Variants in NR5A2 observed in about 807,000 individuals in gnomAD.
NR5A2 encodes nuclear receptor subfamily 5 group A member 2.
In NR5A2, 26 loss-of-function variants were observed where a neutral mutation model predicts 62.7. The ratio of observed to expected loss-of-function variants is 0.41; its 90% CI spans 0.30 to 0.58. The LOEUF (loss-of-function observed/expected upper bound fraction) is 0.58. Among genes scored for constraint, NR5A2 ranks in the 20% least tolerant of loss-of-function variants. The pLI is 0.22. For missense variants in NR5A2, 541 were observed against 669.1 expected, an observed-to-expected ratio of 0.81 and a Z score of 2.11; for synonymous variants, 246 against 241.7, an observed-to-expected ratio of 1.02 and a Z score of -0.16.
Position 200,039,568 on chromosome 1 carries a change from T to A in NR5A2, c.65-90T>A, listed in dbSNP as rs1299531792. ...CAGCCCCGAGGAGGCGGAGGCACGC[T>A]CCGGCGAGGCGAGAGGGTTGGGTTA... On this transcript the variant is annotated intron_variant, in intron 1 of 7. Coordinates refer to ENST00000367362, the MANE Select transcript of NR5A2 (RefSeq NM_205860.3). This position sits in a 1 kb window ranked among gnomAD's most constrained non-coding sequence, Gnocchi z 5.1. The A allele has an allele frequency of 6.3e-7, 1 of 1,577,444 alleles. No individual in the cohort carries two copies. The highest frequency in any genetic ancestry group is 2.4e-5 in the East Asian group (1 of 42,204).
intron 7 of NR5A2, among the ~76,000 whole-genome samples, chr1:200,140,247 C>T (rs1261828910): frequency 6.6e-6 from 1 of 151,596 alleles, no homozygotes; most frequent in African/African-American, 2.4e-5. Flanking sequence ...TTCTTTCTTT[C>T]TTTTCTTTTT....
chr1:200,076,092 C>T (rs1664021291), intron 5 of NR5A2, among the ~76,000 whole-genome samples: 1 of 152,080 alleles, frequency 6.6e-6, no homozygotes, highest in Admixed American at 6.6e-5. Flanking sequence ...ACATAATAGA[C>T]AAGAAACAGT....
intron 5 of NR5A2, among the ~76,000 whole-genome samples, chr1:200,070,855 C>A (rs1005268290): frequency 1.3e-5 from 2 of 151,418 alleles, no homozygotes; most frequent in African/African-American, 4.9e-5. Context: ...TGTACCTGAG[C>A]AGTTAGGATG....
intron 7 of NR5A2, among the ~76,000 whole-genome samples, chr1:200,124,809 G>C (rs1315947570): frequency 6.6e-6 from 1 of 152,072 alleles, no homozygotes; most frequent in Non-Finnish European, 1.5e-5. Flanking sequence ...GCAGACACCT[G>C]TGGTTTCAGC....
At position 200,048,870 on chromosome 1, in the gene NR5A2, C is replaced by A. The variant is rs1662507584; in HGVS notation, c.1110+52C>A. 1 of 1,575,836 alleles carries A rather than the reference C, an allele frequency of 6.3e-7. No individual in the cohort carries two copies. The highest frequency in any genetic ancestry group is 1.1e-5 in the South Asian group (1 of 87,982). On this transcript the variant is annotated intron_variant, in intron 5 of 7. Transcript: ENST00000367362. This position sits in a 1 kb window ranked among gnomAD's most constrained non-coding sequence, Gnocchi z 4.8. ...AGCACCCCTTTTAAGAGAGACCTAA[C>A]TATGTTCCTAATTAATACATTCTTG...
intron 1 of NR5A2, chr1:200,038,877 A>G: frequency 1.5e-6 from 1 of 665,732 alleles, no homozygotes; most frequent in Non-Finnish European, 2.1e-6. Flanking sequence ...CTGGAGCCTG[A>G]GCCTCATCCT....
chr1:200,038,434 T>C (rs1180418962), intron 1 of NR5A2, among the ~76,000 whole-genome samples: 2 of 152,174 alleles, frequency 1.3e-5, no homozygotes, highest in Non-Finnish European at 2.9e-5. Context: ...AGCTCTTGGC[T>C]TGTGGCCCGC....
At chr1:200,077,117 C>T (rs1263440619) in intron 5 of NR5A2, among the ~76,000 whole-genome samples, 1 of 152,162 alleles carries the variant, frequency 6.6e-6, no homozygotes, top group African/African-American at 2.4e-5. Flanking sequence ...AAATGAAAGT[C>T]TTTTAAACAT....
intron 7 of NR5A2, among the ~76,000 whole-genome samples, chr1:200,164,807 C>T (rs1305099801): frequency 6.7e-6 from 1 of 148,782 alleles, no homozygotes; most frequent in Non-Finnish European, 1.5e-5. Flanking sequence ...CTTGGCCTCT[C>T]AAAGTGCTAG....
chr1:200,105,144 G>A (rs1227071757), intron 5 of NR5A2, among the ~76,000 whole-genome samples: 1 of 151,916 alleles, frequency 6.6e-6, no homozygotes, highest in Non-Finnish European at 1.5e-5. Flanking sequence ...TTTTTTTGTA[G>A]AGATAGGATC....
intron 1 of NR5A2, among the ~76,000 whole-genome samples, chr1:200,032,695 ATT>A (rs906066851): frequency 6.6e-6 from 1 of 152,136 alleles, no homozygotes; most frequent in Non-Finnish European, 1.5e-5. Context: ...AGCGTAATAT[ATT>A]TCTTTCCTGG....
rs767393832 is a variant in NR5A2, at chr1:200,034,783, C to CTTTTTTTTTTTTTTTTTT, written c.65-4861_65-4844dup. Among the ~76,000 whole-genome samples, 10 of 71,284 alleles carry CTTTTTTTTTTTTTTTTTT rather than the reference C, an allele frequency of 1.4e-4. 1 individual carries two copies. Among genetic ancestry groups the CTTTTTTTTTTTTTTTTTT allele is most frequent in the African/African-American group, 5.3e-4 (10 of 18,908 alleles). 46.8% of individuals were successfully genotyped at this position (71,284 alleles called of 152,430 possible). Reference sequence around the variant, plus strand: ...GTTATTCACACGTGCAGCAGAAAGGCTTTTTTTTTTTTTTTTTTTTTTTTT... The same window carrying CTTTTTTTTTTTTTTTTTT: ...GTTATTCACACGTGCAGCAGAAAGGCTTTTTTTTTTTTTTTTTTTTTTTTTTTTTTTTTTTTTTTTTTT... On this transcript the variant is annotated intron_variant, in intron 1 of 7. Coordinates refer to ENST00000367362, the MANE Select transcript of NR5A2 (RefSeq NM_205860.3).
chr1:200,127,333 G>C (rs980252593), intron 7 of NR5A2, among the ~76,000 whole-genome samples: 2 of 152,000 alleles, frequency 1.3e-5, no homozygotes, highest in African/African-American at 4.8e-5. Flanking sequence ...AATAAATACA[G>C]TCAGCCCTCT....
In NR5A2 at chr1:200,045,592, T is replaced by G. The variant is rs199816537; in HGVS notation, c.463+8T>G. 1.9e-6 allele frequency: 3 copies of G among 1,605,900 alleles called. No individual in the cohort carries two copies. Among genetic ancestry groups the G allele is most frequent in the Admixed American group, 1.7e-5 (1 of 58,406 alleles). ...TTGGAATGAAGCTAGAAGGTAAGAT[T>G]CTTCTAAAGACTACTGCCTATTAAA... On this transcript the variant is annotated splice_region_variant and intron_variant, in intron 4 of 7. Coordinates refer to ENST00000367362, the MANE Select transcript of NR5A2 (RefSeq NM_205860.3).
At chr1:200,050,688 C>T (rs138373252) in intron 5 of NR5A2, among the ~76,000 whole-genome samples, 1 of 152,058 alleles carries the variant, frequency 6.6e-6, no homozygotes, top group South Asian at 2.1e-4. Flanking sequence ...GTCAGGAGTA[C>T]GAGACCAGCC....
chr1:200,030,869 G>A (rs1380783661), intron 1 of NR5A2, among the ~76,000 whole-genome samples: 1 of 152,218 alleles, frequency 6.6e-6, no homozygotes, highest in Non-Finnish European at 1.5e-5. Flanking sequence ...AGTCTGTAAT[G>A]TGAGTCTTGC....
At chr1:200,154,711 T>A (rs1209388602) in intron 7 of NR5A2, among the ~76,000 whole-genome samples, 1 of 152,142 alleles carries the variant, frequency 6.6e-6, no homozygotes, top group Non-Finnish European at 1.5e-5. Flanking sequence ...AATAAGTAAA[T>A]TTTTAAAAAG....
intron 6 of NR5A2, 122 bp from the exon 7 acceptor site, chr1:200,120,686 A>T: frequency 1.0e-6 from 1 of 1,002,930 alleles, no homozygotes; most frequent in Non-Finnish European, 1.4e-6. Flanking sequence ...GTGAGACCCC[A>T]CATCTCTATT....
chr1:200,037,525 C>A (rs1661836296), intron 1 of NR5A2, among the ~76,000 whole-genome samples: 1 of 152,176 alleles, frequency 6.6e-6, no homozygotes, highest in Admixed American at 6.5e-5. Context: ...AGTTCACGAG[C>A]AAAGCAGGGC....
Sources: allele counts gnomAD v4.1 joint callset (sites outside exome capture counted in the v4.1 genomes callset), GRCh38; gene constraint gnomAD v4.1.1; non-coding constraint Gnocchi (gnomAD v3.1); transcripts MANE v1.5; gene names NCBI Gene and HGNC (gene_info 2026-07-23, HGNC 2026-07-21).